VPS13A: variants seen among roughly 807,000 people sequenced by gnomAD.
VPS13A encodes the protein intermembrane lipid transfer protein VPS13A.
Under a neutral mutation model 390.9 loss-of-function variants are expected in VPS13A, and 264 were observed. The ratio of observed to expected loss-of-function variants is 0.68; its 90% CI spans 0.61 to 0.75. VPS13A has a LOEUF of 0.75. Among genes scored for constraint, VPS13A ranks in the 30% least tolerant of loss-of-function variants. The pLI is 0.00. For missense variants in VPS13A, 3,409 were observed against 3,733.9 expected (o/e 0.91, Z 2.27); for synonymous variants, 1,231 against 1,227.1 (o/e 1.00, Z -0.07).
chr9:77,314,034 G>C lies in VPS13A; in HGVS notation c.4157G>C (p.Arg1386Pro), dbSNP rs758635064. Residue 1386 changes from arginine to proline, a missense_variant, in exon 36 of 72, where the codon CGT becomes CCT. Arg to Pro is a moderately radical substitution (Grantham distance 103). This residue lies in a region of VPS13A where 2,717 missense variants were observed against 2,917.4 expected (regional missense o/e 0.93). Coordinates refer to ENST00000360280, the MANE Select transcript of VPS13A (RefSeq NM_033305.3). ...VTAAVVEVHS[R>P]ALLVKTTLNI... is the part of the protein sequence containing the mutation. ...GCTGCTGTGGTAGAAGTACATTCAC[G>C]TGCCTTACTAGTTAAGACAACACTA... 13 of 1,613,254 alleles carry C rather than the reference G, an allele frequency of 8.1e-6. No homozygotes were observed. The highest frequency in any genetic ancestry group is 1.1e-5 in the South Asian group (1 of 91,024).
At chr9:77,382,456 G>A in intron 68 of VPS13A, 2 of 1,377,394 alleles carry the variant, frequency 1.5e-6, no homozygotes, top group East Asian at 2.9e-5. Flanking sequence ...TTTTTTTATA[G>A]GGTGTTCTTA....
At chr9:77,209,372 A>G in intron 5 of VPS13A, 51 bp from the exon 6 acceptor site, 2 of 1,273,656 alleles carry the variant, frequency 1.6e-6, no homozygotes, top group South Asian at 2.5e-5. Flanking sequence ...GTGGATATTT[A>G]TAGAGTATAT....
chr9:77,274,684 C>G (rs1230225717), intron 24 of VPS13A, among the ~76,000 whole-genome samples: 1 of 151,586 alleles, frequency 6.6e-6, no homozygotes, highest in East Asian at 1.9e-4. Flanking sequence ...TTTTTAATGA[C>G]CGTATTAGAA....
chr9:77,405,936 T>C lies in VPS13A; in HGVS notation c.9348T>C (p.Phe3116=), dbSNP rs762857695. The change falls in exon 70 of 72, where the codon TTT becomes TTC. Residue 3116 remains phenylalanine, a synonymous_variant. Transcript: ENST00000360280. ...TCEWQYSFDE[F]TKEPFIVHGR... ...AGTGGCAGTATAGTTTTGATGAATT[T>C]ACCAAAGAGCCATTCATTGTTCATG... The C allele has an allele frequency of 2.5e-6, 4 of 1,613,996 alleles. No individual in the cohort carries two copies. Among genetic ancestry groups the C allele is most frequent in the Admixed American group, 1.7e-5 (1 of 60,018 alleles).
At chr9:77,275,359 T>C in intron 24 of VPS13A, 139 bp from the exon 25 acceptor site, 1 of 800,936 alleles carries the variant, frequency 1.2e-6, no homozygotes. Context: ...TATTATTTTC[T>C]GTTTATTTCG....
At chr9:77,210,717 A>G (rs371449823) in intron 7 of VPS13A, 42 bp downstream of exon 7, 931 of 1,580,764 alleles carry the variant, frequency 5.9e-4, no homozygotes, top group Non-Finnish European at 7.5e-4. Context: ...TTTAATGTGC[A>G]ATATAGTCTA....
intron 68 of VPS13A, among the ~76,000 whole-genome samples, chr9:77,400,223 ATT>A (rs34605855): frequency 1.1e-3 from 95 of 88,102 alleles, no homozygotes; most frequent in African/African-American, 2.0e-3. Context: ...TATCAGTCAG[ATT>A]TTTTTTTTTT....
chr9:77,365,575 T>C lies in VPS13A; in HGVS notation c.8325+2T>C. ...TATTTTCATATATCTCCTATCAAGG[T>C]AGGAGAAAGTCATTTTTATTGTCCT... is the stretch of plus-strand genomic sequence containing the variant. On this transcript the variant is annotated splice_donor_variant, in intron 60 of 71. Coordinates refer to ENST00000360280, the MANE Select transcript of VPS13A (RefSeq NM_033305.3). LOFTEE classifies it high-confidence loss of function. 1.3e-6 allele frequency: 2 copies of C among 1,569,584 alleles called. No individual in the cohort carries two copies. The highest frequency in any genetic ancestry group is 1.8e-6 in the Non-Finnish European group (2 of 1,140,546).
chr9:77,318,630 C>T (rs561101930), intron 41 of VPS13A, 39 bp downstream of exon 41: 23 of 1,427,736 alleles, frequency 1.6e-5, no homozygotes, highest in Middle Eastern at 1.8e-4. Context: ...GATAATGATA[C>T]GTATGGAATA....
intron 50 of VPS13A, chr9:77,340,787 C>CTAA (rs1444063022): frequency 8.4e-6 from 4 of 473,888 alleles, no homozygotes; most frequent in East Asian, 4.0e-5. Context: ...TTAACAATTA[C>CTAA]TAACCACTTT....
At chr9:77,300,394 G>A (rs1046091113) in intron 33 of VPS13A, among the ~76,000 whole-genome samples, 5 of 152,142 alleles carry the variant, frequency 3.3e-5, no homozygotes, top group African/African-American at 4.8e-5. Flanking sequence ...CAGTTATAGA[G>A]TGTAGCCAGT....
chr9:77,281,785 A>G, intron 27 of VPS13A, 82 bp from the exon 28 acceptor site: 1 of 819,206 alleles, frequency 1.2e-6, no homozygotes, highest in Non-Finnish European at 2.1e-6. Context: ...AAAATTATAT[A>G]AATGTGTATT....
intron 32 of VPS13A, 88 bp from the exon 33 acceptor site, chr9:77,295,454 A>G (rs1411574942): frequency 8.6e-7 from 1 of 1,157,422 alleles, no homozygotes; most frequent in Non-Finnish European, 1.1e-6. Context: ...GTTTTTTTTT[A>G]AATGGAGGTA....
intron 1 of VPS13A, among the ~76,000 whole-genome samples, chr9:77,190,354 G>A (rs1217049012): frequency 6.6e-6 from 1 of 152,144 alleles, no homozygotes; most frequent in Non-Finnish European, 1.5e-5. Flanking sequence ...TGATCATGTG[G>A]TTTTTGTTTT....
chr9:77,318,212 C>T (rs1564723823), intron 40 of VPS13A, 23 bp from the exon 41 acceptor site: 3 of 1,429,940 alleles, frequency 2.1e-6, no homozygotes, highest in African/African-American at 1.4e-5. Context: ...TTTGTATAGA[C>T]TTATTAATTT....
At chr9:77,269,607 A>T (rs1455604409) in intron 23 of VPS13A, among the ~76,000 whole-genome samples, 2 of 152,214 alleles carry the variant, frequency 1.3e-5, no homozygotes, top group Non-Finnish European at 2.9e-5. Context: ...ATTTGGGAGA[A>T]TTAACATTTT....
intron 3 of VPS13A, among the ~76,000 whole-genome samples, chr9:77,203,615 G>T (rs1352853929): frequency 6.6e-6 from 1 of 152,108 alleles, no homozygotes; most frequent in Non-Finnish European, 1.5e-5. Context: ...AAAAACATTT[G>T]TGGTGAAAAT....
chr9:77,302,347 C>A (rs1211361043), intron 33 of VPS13A, among the ~76,000 whole-genome samples: 3 of 146,816 alleles, frequency 2.0e-5, no homozygotes, highest in Admixed American at 2.0e-4. Context: ...AAAATTGTAT[C>A]GAAAAATACA....
chr9:77,409,040 C>T (rs1375777998), intron 71 of VPS13A, among the ~76,000 whole-genome samples: 1 of 152,164 alleles, frequency 6.6e-6, no homozygotes, highest in Non-Finnish European at 1.5e-5. Context: ...CTGGGAGGCA[C>T]CCCCCAAGTA....
Sources: allele counts gnomAD v4.1 joint callset (sites outside exome capture counted in the v4.1 genomes callset), GRCh38; gene constraint gnomAD v4.1.1; regional missense constraint gnomAD v4.1.1; transcripts MANE v1.5; gene names NCBI Gene and HGNC (gene_info 2026-07-23, HGNC 2026-07-21).